Variants in LRP1B observed in about 807,000 individuals in gnomAD.
LRP1B encodes the protein low-density lipoprotein receptor-related protein 1B.
In LRP1B, 217 loss-of-function variants were observed where a neutral mutation model predicts 556.6. The ratio of observed to expected loss-of-function variants is 0.39; its 90% CI spans 0.35 to 0.44. The LOEUF (loss-of-function observed/expected upper bound fraction) is 0.44. Ranked by LOEUF, LRP1B falls within the 20% of genes least tolerant of loss-of-function variation. The probability of loss-of-function intolerance (pLI) is 1.00; values close to 1 mark genes in which losing one functional copy is unlikely to be tolerated. For synonymous variants in LRP1B, 2,047 were observed against 1,865.8 expected (o/e 1.10, Z -2.50); for missense variants, 5,053 against 5,620.8 (o/e 0.90, Z 3.23).
intron 3 of LRP1B, among the ~76,000 whole-genome samples, chr2:141,413,784 T>A (rs1448422034): frequency 6.6e-6 from 1 of 151,660 alleles, no homozygotes; most frequent in Non-Finnish European, 1.5e-5. Context: ...CTTGGGAGGC[T>A]GAGGATAACC....
intron 79 of LRP1B, among the ~76,000 whole-genome samples, chr2:140,332,420 C>G (rs2105079167): frequency 6.6e-6 from 1 of 152,128 alleles, no homozygotes; most frequent in South Asian, 2.1e-4. Context: ...AGTGTCAGAT[C>G]CATGCATCTG....
At chr2:140,951,823 T>A (rs1695724401) in intron 19 of LRP1B, 37 bp downstream of exon 19, 1 of 1,526,286 alleles carries the variant, frequency 6.6e-7, no homozygotes, top group Admixed American at 1.7e-5. Context: ...AAGCCCCCGA[T>A]CAAATTAGTG....
intron 2 of LRP1B, among the ~76,000 whole-genome samples, chr2:141,491,887 C>T (rs941530457): frequency 6.6e-6 from 1 of 151,828 alleles, no homozygotes; most frequent in African/African-American, 2.4e-5. Flanking sequence ...CATCTTCTTC[C>T]TCTATAGGCT....
chr2:142,127,117 T>C (rs1005583859), intron 1 of LRP1B, among the ~76,000 whole-genome samples: 3 of 151,930 alleles, frequency 2.0e-5, no homozygotes, highest in Non-Finnish European at 4.4e-5. Flanking sequence ...AAAAAATCAC[T>C]TCCATATTTG....
intron 41 of LRP1B, among the ~76,000 whole-genome samples, chr2:140,696,414 C>T (rs1277445531): frequency 1.3e-5 from 2 of 152,084 alleles, no homozygotes; most frequent in Non-Finnish European, 2.9e-5. Context: ...TCAATACAGA[C>T]TAATTATATT....
intron 41 of LRP1B, among the ~76,000 whole-genome samples, chr2:140,643,965 C>T (rs1240146161): frequency 6.6e-6 from 1 of 152,156 alleles, no homozygotes; most frequent in Non-Finnish European, 1.5e-5. Flanking sequence ...ATTCTGTACA[C>T]ATTTTTCAAA....
At chr2:141,229,061 T>C (rs1683361307) in intron 6 of LRP1B, 122 bp downstream of exon 6, 4 of 919,190 alleles carry the variant, frequency 4.4e-6, no homozygotes, top group Non-Finnish European at 6.9e-6. Context: ...TCAAGTTCAT[T>C]GTATTTGCAC....
chr2:141,911,315 C>G (rs973160574), intron 1 of LRP1B, among the ~76,000 whole-genome samples: 2 of 152,128 alleles, frequency 1.3e-5, no homozygotes, highest in Non-Finnish European at 2.9e-5. Context: ...TTGGAGAATT[C>G]CAGTTATATT....
intron 77 of LRP1B, among the ~76,000 whole-genome samples, chr2:140,343,115 C>A (rs1681479332): frequency 6.6e-6 from 1 of 151,174 alleles, no homozygotes; most frequent in African/African-American, 2.4e-5. Flanking sequence ...AAAAAATAAG[C>A]ATAGATCAAA....
Position 141,405,087 on chromosome 2 carries a change from C to T in LRP1B, c.343+75309G>A, listed in dbSNP as rs1690587312. 2.0e-5 allele frequency among the ~76,000 whole-genome samples: 3 copies of T among 151,522 alleles called. 1 individual carries two copies. In the South Asian group the frequency reaches 6.2e-4, roughly 31 times the overall value. ...CAGCCTGGGCGACAAGAGCGAGACT[C>T]CGTCTCAAAAAAACAAAACAAAAAC... On this transcript the variant is annotated intron_variant, in intron 3 of 90. Coordinates refer to ENST00000389484, the MANE Select transcript of LRP1B (RefSeq NM_018557.3).
At chr2:142,047,955 T>C (rs757485897) in intron 1 of LRP1B, among the ~76,000 whole-genome samples, 1 of 152,094 alleles carries the variant, frequency 6.6e-6, no homozygotes. Flanking sequence ...TGTGTTCCAG[T>C]AGTTTTTCTA....
At chr2:142,009,729 A>G (rs13418593) in intron 1 of LRP1B, among the ~76,000 whole-genome samples, 18,982 of 152,134 alleles carry the variant, frequency 0.12, 1,308 homozygotes, top group Non-Finnish European at 0.15. Flanking sequence ...ATATATGTGT[A>G]TGCATGCATG....
At chr2:140,288,348 T>C (rs957401426) in intron 84 of LRP1B, among the ~76,000 whole-genome samples, 1 of 151,820 alleles carries the variant, frequency 6.6e-6, no homozygotes, top group African/African-American at 2.4e-5. Context: ...AAGGTTATCA[T>C]ATTATCTATA....
intron 2 of LRP1B, among the ~76,000 whole-genome samples, chr2:141,677,912 T>C (rs1690949629): frequency 6.6e-6 from 1 of 152,002 alleles, no homozygotes; most frequent in South Asian, 2.1e-4. Context: ...GACAGAGAGG[T>C]ATATATGAAT....
chr2:140,732,088 T>C (rs1157678711), intron 35 of LRP1B, among the ~76,000 whole-genome samples: 1 of 152,124 alleles, frequency 6.6e-6, no homozygotes, highest in African/African-American at 2.4e-5. Flanking sequence ...ATGTGATGTC[T>C]TGGGTTTGTT....
intron 2 of LRP1B, among the ~76,000 whole-genome samples, chr2:141,680,746 A>G (rs1435993617): frequency 6.6e-6 from 1 of 152,172 alleles, no homozygotes; most frequent in African/African-American, 2.4e-5. Context: ...CAAAATTTCT[A>G]GGAAGTGTTG....
chr2:141,157,495 A>T (rs975557708), intron 7 of LRP1B, among the ~76,000 whole-genome samples: 21 of 152,162 alleles, frequency 1.4e-4, no homozygotes, highest in African/African-American at 4.8e-4. Flanking sequence ...GTATCTGCAG[A>T]GTCAGAAATG....
chr2:141,331,520 TTC>T (rs1491366190), intron 3 of LRP1B, among the ~76,000 whole-genome samples: 30 of 31,814 alleles, frequency 9.4e-4, no homozygotes, highest in African/African-American at 6.0e-3. Context: ...CTTTCTTTCT[TTC>T]TCTTTCTTTC....
chr2:140,599,227 A>T (rs1682559145), intron 42 of LRP1B, among the ~76,000 whole-genome samples: 1 of 152,120 alleles, frequency 6.6e-6, no homozygotes, highest in African/African-American at 2.4e-5. Context: ...AATCATTCTT[A>T]TCCTAAGTAT....
Sources: gnomAD v4.1 joint callset for allele counts (sites outside exome capture counted in the v4.1 genomes callset) on GRCh38, gnomAD v4.1.1 for gene constraint, MANE v1.5 for transcripts, NCBI Gene and HGNC (gene_info 2026-07-23, HGNC 2026-07-21) for gene names.